The following EMID1 variants were observed in gnomAD, a reference collection of about 807,000 sequenced individuals.
EMID1 encodes EMI domain-containing protein 1.
A neutral mutation model predicts 60.6 loss-of-function variants in EMID1; 40 were observed. The ratio of observed to expected loss-of-function variants is 0.66; its 90% confidence interval spans 0.51 to 0.86. EMID1 has a LOEUF of 0.86. EMID1 is among the 40% of genes least tolerant of loss of function. EMID1 has a pLI of 0.00. For synonymous variants in EMID1, 242 were observed against 231.0 expected (o/e 1.05, Z -0.43); for missense variants, 585 against 597.1 (o/e 0.98, Z 0.21).
chr22:29,243,526 C>T, intron 13 of EMID1, 37 bp downstream of exon 13: 1 of 1,613,076 alleles, frequency 6.2e-7, no homozygotes, highest in Non-Finnish European at 8.5e-7. Flanking sequence ...TCCCTGCCTT[C>T]TCAGCCCTAC....
intron 1 of EMID1, 57 bp downstream of exon 1, chr22:29,206,196 C>T (rs1348003203): frequency 8.5e-6 from 10 of 1,170,512 alleles, no homozygotes; most frequent in African/African-American, 1.6e-5. Context: ...CGCGCACACG[C>T]CCCCACCTCC....
rs748172215 is a variant in EMID1, at chr22:29,250,733, ATTTTTTTTTTTTTTTT to A, written c.1120-3450_1120-3435del. On this transcript the variant is annotated intron_variant, in intron 13 of 14. Coordinates refer to ENST00000334018, the MANE Select transcript of EMID1 (RefSeq NM_133455.4). ...AGGCATGCACCACCACACCCGGCTAATTTTTTTTTTTTTTTTTTTTTTTTTTTTTTTTTTTAGTAGT... is the reference window on the plus strand; with the variant it reads ...AGGCATGCACCACCACACCCGGCTAATTTTTTTTTTTTTTTTTTTAGTAGT... Among the ~76,000 whole-genome samples the A allele has an allele frequency of 2.4e-3, 54 of 22,490 alleles. 1 individual carries two copies. Among genetic ancestry groups the A allele is most frequent in the East Asian group, 0.016 (17 of 1,086 alleles). The allele number at this position is 22,490 out of a possible 152,430, so 14.8% of individuals were successfully genotyped here. A position where few individuals can be genotyped will look rare whatever the true frequency, so the allele number is the denominator to read the frequency against.
rs202161183 is a variant in EMID1 at position 29,234,278 on chromosome 22, G to A, written c.1030-27G>A. The A allele has an allele frequency of 2.5e-5, 40 of 1,613,700 alleles. No individual in the cohort carries two copies. The Admixed American group carries it at 2.8e-4, about 11-fold the overall frequency. ...CAGGTCAGAGTCCTCAACAGCTGAC[G>A]CCATTCGTCTCCTCCCTCTTACACA... On this transcript the variant is annotated intron_variant, in intron 11 of 14. Transcript: ENST00000334018.
intron 13 of EMID1, among the ~76,000 whole-genome samples, chr22:29,249,294 G>A (rs892072311): frequency 2.0e-5 from 3 of 151,682 alleles, no homozygotes; most frequent in Non-Finnish European, 2.9e-5. Flanking sequence ...GCACCAGGAC[G>A]GAGTCTCTGT....
intron 5 of EMID1, among the ~76,000 whole-genome samples, chr22:29,230,336 GAA>G (rs35728607): frequency 2.7e-5 from 4 of 147,398 alleles, no homozygotes; most frequent in South Asian, 2.2e-4. Flanking sequence ...CTCCATCTTG[GAA>G]AAAAAAAAAA....
chr22:29,255,648 CT>C, intron 14 of EMID1: 1 of 295,474 alleles, frequency 3.4e-6, no homozygotes, highest in Non-Finnish European at 6.2e-6. Context: ...CAGGAGAACC[CT>C]GACACTGGTA....
At chr22:29,255,766 G>A (rs540847670) in intron 14 of EMID1, among the ~76,000 whole-genome samples, 2 of 152,194 alleles carry the variant, frequency 1.3e-5, no homozygotes, top group Non-Finnish European at 2.9e-5. Context: ...GGTCAGGGAG[G>A]TCTTCCTGGA....
chr22:29,224,918 T>A (rs2040442629), intron 3 of EMID1, among the ~76,000 whole-genome samples: 1 of 152,178 alleles, frequency 6.6e-6, no homozygotes, highest in Non-Finnish European at 1.5e-5. Flanking sequence ...CCCCGCCCCA[T>A]TGCCAGCCCC....
chr22:29,231,718 G>A, intron 7 of EMID1, 36 bp downstream of exon 7: 1 of 1,432,626 alleles, frequency 7.0e-7, no homozygotes, highest in South Asian at 1.5e-5. Flanking sequence ...AGCTCCTCTG[G>A]CCATCCCCTC....
chr22:29,222,319 C>A (rs1279004561), intron 3 of EMID1, among the ~76,000 whole-genome samples: 1 of 151,742 alleles, frequency 6.6e-6, no homozygotes, highest in African/African-American at 2.4e-5. Context: ...GTGTCAAACT[C>A]CTGGGCTCAA....
chr22:29,219,253 G>A (rs2040199199), intron 3 of EMID1, among the ~76,000 whole-genome samples: 1 of 152,108 alleles, frequency 6.6e-6, no homozygotes, highest in Non-Finnish European at 1.5e-5. Flanking sequence ...CTGTGAGGCT[G>A]GCAGAAGCCA....
chr22:29,235,200 T>G (rs191554565), intron 12 of EMID1, among the ~76,000 whole-genome samples: 12 of 152,098 alleles, frequency 7.9e-5, no homozygotes, highest in Admixed American at 2.6e-4. Flanking sequence ...ATACAAAAAT[T>G]AGCCAGGCAT....
chr22:29,222,143 C>T (rs2040322422), intron 3 of EMID1, among the ~76,000 whole-genome samples: 1 of 152,114 alleles, frequency 6.6e-6, no homozygotes, highest in Admixed American at 6.6e-5. Flanking sequence ...CTCACTCTTT[C>T]AGTGCAGTGG....
intron 1 of EMID1, among the ~76,000 whole-genome samples, chr22:29,214,586 A>G (rs112305739): frequency 7.2e-5 from 11 of 152,196 alleles, no homozygotes; most frequent in African/African-American, 2.7e-4. Flanking sequence ...CCAGGCAGTG[A>G]TGATGGCCTG....
chr22:29,241,266 C>T (rs1602015361), intron 12 of EMID1, among the ~76,000 whole-genome samples: 1 of 152,168 alleles, frequency 6.6e-6, no homozygotes, highest in Non-Finnish European at 1.5e-5. Context: ...CTGGATTTGC[C>T]TCTCCAGCTT....
At chr22:29,225,551 T>TA (rs1188944122) in intron 4 of EMID1, among the ~76,000 whole-genome samples, 2 of 152,204 alleles carry the variant, frequency 1.3e-5, no homozygotes, top group African/African-American at 2.4e-5. Context: ...GCCAGGCGCT[T>TA]CCCATCAGCA....
Position 29,231,126 on chromosome 22 carries a change from A to T in EMID1, c.572A>T (p.Asp191Val). 1 of 1,606,020 alleles carries T rather than the reference A, an allele frequency of 6.2e-7. No individual in the cohort carries two copies. The highest frequency in any genetic ancestry group is 8.5e-7 in the Non-Finnish European group (1 of 1,176,626). Residue 191 changes from aspartate to valine, a missense_variant, in exon 6 of 15, where the codon GAT (aspartate) becomes GTT (valine). Transcript: ENST00000334018. The part of the protein sequence containing the change: ...GPPPAQGSPG[D>V]GGLQDQVGAW... Reference sequence around the variant, plus strand: ...CCTCCTGCCCAGGGCAGCCCCGGAGATGGAGGCCTCCAGGGTGAGTGTCAG... The same window carrying T: ...CCTCCTGCCCAGGGCAGCCCCGGAGTTGGAGGCCTCCAGGGTGAGTGTCAG...
At chr22:29,224,849 C>T (rs936120483) in intron 3 of EMID1, among the ~76,000 whole-genome samples, 6 of 152,306 alleles carry the variant, frequency 3.9e-5, no homozygotes, top group Admixed American at 1.3e-4. Flanking sequence ...TGAGCGCTAA[C>T]CTCTTAGCCC....
intron 5 of EMID1, among the ~76,000 whole-genome samples, chr22:29,227,019 T>A (rs2146256709): frequency 6.9e-6 from 1 of 145,796 alleles, no homozygotes; most frequent in African/African-American, 2.5e-5. Context: ...TCCATAATAC[T>A]ATCTTCCTGG....
Sources: allele counts gnomAD v4.1 joint callset (sites outside exome capture counted in the v4.1 genomes callset), GRCh38; gene constraint gnomAD v4.1.1; transcripts MANE v1.5; gene names NCBI Gene and HGNC (gene_info 2026-07-23, HGNC 2026-07-21).